Variants in AGMO observed in about 807,000 individuals in gnomAD.
The protein encoded by AGMO is alkylglycerol monooxygenase.
In AGMO, 75 loss-of-function variants were observed where a neutral mutation model predicts 60.2. The observed-to-expected ratio is 1.25, with a 90% CI of 1.03 to 1.51. AGMO has a LOEUF of 1.51. AGMO is among the 40% of genes most tolerant of loss of function. The pLI is 0.00. For synonymous variants in AGMO, 261 were observed against 177.1 expected (o/e 1.47, Z -3.76); for missense variants, 763 against 525.5 (o/e 1.45, Z -4.42).
At chr7:15,438,477 T>G (rs915261030) in intron 3 of AGMO, among the ~76,000 whole-genome samples, 4 of 152,232 alleles carry the variant, frequency 2.6e-5, no homozygotes, top group African/African-American at 9.6e-5. Flanking sequence ...ATGTTGCATA[T>G]TAACACTTTT....
At chr7:15,123,985 C>G in the AGMO span, among the ~76,000 whole-genome samples, 1 of 151,838 alleles carries the variant, frequency 6.6e-6, no homozygotes, top group African/African-American at 2.4e-5. Flanking sequence ...ATTCTTATGA[C>G]GTGTCTCGCA....
At chr7:15,432,333 T>TACATAC (rs1554271550) in intron 3 of AGMO, among the ~76,000 whole-genome samples, 1 of 135,202 alleles carries the variant, frequency 7.4e-6, no homozygotes, top group Non-Finnish European at 1.6e-5. Flanking sequence ...TATATGTATA[T>TACATAC]ATATATATAT....
At chr7:15,150,423 T>C in the AGMO span, among the ~76,000 whole-genome samples, 2 of 152,154 alleles carry the variant, frequency 1.3e-5, no homozygotes, top group Admixed American at 1.3e-4. Context: ...CCATTTAGTA[T>C]GATGTTGGCT....
At chr7:15,132,901 G>C in the AGMO span, among the ~76,000 whole-genome samples, 1 of 152,142 alleles carries the variant, frequency 6.6e-6, no homozygotes, top group Non-Finnish European at 1.5e-5. Context: ...GAAGAATTCA[G>C]GAGAAAAAGC....
At chr7:15,156,462 A>C in the AGMO span, among the ~76,000 whole-genome samples, 3 of 152,144 alleles carry the variant, frequency 2.0e-5, no homozygotes, top group Non-Finnish European at 2.9e-5. Flanking sequence ...GGGCATGGGC[A>C]CCCATGGCTG....
chr7:15,384,447 T>G (rs1033116456), intron 10 of AGMO, among the ~76,000 whole-genome samples: 2 of 152,234 alleles, frequency 1.3e-5, no homozygotes, highest in Non-Finnish European at 2.9e-5. Context: ...CAATTTTTGC[T>G]AGCTGTTCTG....
the AGMO span, among the ~76,000 whole-genome samples, chr7:15,164,903 A>T: frequency 6.6e-6 from 1 of 152,044 alleles, no homozygotes; most frequent in Non-Finnish European, 1.5e-5. Context: ...TCCACAGAAA[A>T]AAAATTGTTA....
intron 3 of AGMO, among the ~76,000 whole-genome samples, chr7:15,483,799 C>T (rs1334228877): frequency 2.0e-5 from 3 of 151,912 alleles, no homozygotes; most frequent in Non-Finnish European, 2.9e-5. Flanking sequence ...TTAAAGAAAA[C>T]TCAGTATTTT....
At chr7:15,251,401 G>A (rs1421425323) in intron 12 of AGMO, among the ~76,000 whole-genome samples, 1 of 152,186 alleles carries the variant, frequency 6.6e-6, no homozygotes, top group African/African-American at 2.4e-5. Flanking sequence ...TTCCATCTGT[G>A]ATGAAAGAGC....
At chr7:15,360,070 C>T (rs899443695) in intron 12 of AGMO, among the ~76,000 whole-genome samples, 2 of 152,102 alleles carry the variant, frequency 1.3e-5, no homozygotes, top group Non-Finnish European at 2.9e-5. Context: ...ACATACTGCA[C>T]GCACATTTAC....
intron 12 of AGMO, among the ~76,000 whole-genome samples, chr7:15,209,964 C>G (rs1331591861): frequency 1.3e-5 from 2 of 151,994 alleles, no homozygotes; most frequent in Non-Finnish European, 2.9e-5. Flanking sequence ...TCCTTTCAAG[C>G]TATGAAAAAA....
intron 12 of AGMO, among the ~76,000 whole-genome samples, chr7:15,304,207 T>C (rs779506469): frequency 1.3e-5 from 2 of 152,286 alleles, no homozygotes; most frequent in Non-Finnish European, 2.9e-5. Flanking sequence ...AAGTTAACTT[T>C]AAATGTCTTG....
chr7:15,189,746 C>A, the AGMO span, among the ~76,000 whole-genome samples: 1 of 151,566 alleles, frequency 6.6e-6, no homozygotes, highest in African/African-American at 2.4e-5. Context: ...CTTCTCATGT[C>A]TTCGAGCGCT....
chr7:15,376,152 GT>G (rs1204658417), intron 10 of AGMO, among the ~76,000 whole-genome samples: 1 of 151,912 alleles, frequency 6.6e-6, no homozygotes, highest in Non-Finnish European at 1.5e-5. Flanking sequence ...TCATGCCTTT[GT>G]ATTATAATTG....
the AGMO span, among the ~76,000 whole-genome samples, chr7:15,176,173 C>T: frequency 6.6e-6 from 1 of 151,958 alleles, no homozygotes; most frequent in Admixed American, 6.6e-5. Flanking sequence ...AAATGAAAAG[C>T]AAACACATAC....
chr7:15,389,552 G>A (rs1784055974), intron 8 of AGMO, among the ~76,000 whole-genome samples: 1 of 152,128 alleles, frequency 6.6e-6, no homozygotes, highest in Admixed American at 6.6e-5. Context: ...TTCTTTTGGT[G>A]TACGAGGAGA....
chr7:15,305,418 T>C (rs1242385097), intron 12 of AGMO, among the ~76,000 whole-genome samples: 2 of 152,020 alleles, frequency 1.3e-5, no homozygotes, highest in Non-Finnish European at 2.9e-5. Flanking sequence ...TCCGTGCATC[T>C]GGGTTCACTG....
chr7:15,317,617 T>C (rs1052129395), intron 12 of AGMO, among the ~76,000 whole-genome samples: 5 of 152,098 alleles, frequency 3.3e-5, no homozygotes, highest in African/African-American at 1.2e-4. Flanking sequence ...GGAGTGAACA[T>C]GAACGCATTA....
intron 12 of AGMO, among the ~76,000 whole-genome samples, chr7:15,224,253 G>T (rs561397844): frequency 6.6e-6 from 1 of 151,942 alleles, no homozygotes; most frequent in Non-Finnish European, 1.5e-5. Context: ...TTTCACCTCT[G>T]TTGCAGAATG....
Sources: allele counts gnomAD v4.1 joint callset (sites outside exome capture counted in the v4.1 genomes callset), GRCh38; gene constraint gnomAD v4.1.1; transcripts MANE v1.5; gene names NCBI Gene and HGNC (gene_info 2026-07-23, HGNC 2026-07-21).